The following QTMAN variants were observed in gnomAD, a reference collection of about 807,000 sequenced individuals.
The protein encoded by QTMAN is queuosine-tRNA mannosyltransferase.
the QTMAN span, among the ~76,000 whole-genome samples, chr2:144,217,185 A>G: frequency 8.5e-5 from 13 of 152,094 alleles, no homozygotes; most frequent in African/African-American, 3.1e-4. Flanking sequence ...TCAGAATAAT[A>G]GGTGCAAGGA....
chr2:144,025,643 G>T, the QTMAN span, among the ~76,000 whole-genome samples: 5 of 152,130 alleles, frequency 3.3e-5, no homozygotes. Context: ...CCCAGATACG[G>T]TCTTATCCAT....
At chr2:144,034,502 T>C in the QTMAN span, among the ~76,000 whole-genome samples, 1 of 152,212 alleles carries the variant, frequency 6.6e-6, no homozygotes, top group African/African-American at 2.4e-5. Flanking sequence ...GTTAGTGTCT[T>C]AGGCTTCATT....
chr2:144,081,536 A>T, the QTMAN span, among the ~76,000 whole-genome samples: 1 of 152,096 alleles, frequency 6.6e-6, no homozygotes, highest in African/African-American at 2.4e-5. Flanking sequence ...AAAAACACAG[A>T]ACAGTTCACA....
chr2:143,968,990 C>A, the QTMAN span, among the ~76,000 whole-genome samples: 1 of 152,200 alleles, frequency 6.6e-6, no homozygotes, highest in Non-Finnish European at 1.5e-5. Context: ...TATTCCTTAT[C>A]TTTACCCAAT....
the QTMAN span, among the ~76,000 whole-genome samples, chr2:143,973,880 G>C: frequency 6.6e-6 from 1 of 151,956 alleles, no homozygotes; most frequent in African/African-American, 2.4e-5. Context: ...ATCAAGGCAC[G>C]GATGACATTC....
the QTMAN span, among the ~76,000 whole-genome samples, chr2:144,330,530 T>C: frequency 6.6e-6 from 1 of 152,222 alleles, no homozygotes; most frequent in African/African-American, 2.4e-5. Flanking sequence ...TATGAATCGA[T>C]TCTTGAAGCG....
chr2:143,983,320 A>G, the QTMAN span, among the ~76,000 whole-genome samples: 126 of 152,318 alleles, frequency 8.3e-4, no homozygotes, highest in African/African-American at 2.9e-3. Context: ...TATTATTATC[A>G]TAATTGTTAT....
the QTMAN span, among the ~76,000 whole-genome samples, chr2:144,059,504 T>C: frequency 0.057 from 8,652 of 152,124 alleles, 827 homozygotes; most frequent in African/African-American, 0.19. Flanking sequence ...GAGCTGTGGG[T>C]TTTCAGAAGA....
the QTMAN span, among the ~76,000 whole-genome samples, chr2:144,104,127 C>T: frequency 2.6e-5 from 4 of 152,008 alleles, no homozygotes; most frequent in South Asian, 2.1e-4. Context: ...GGGGCGGTGG[C>T]GGTTCCAAGA....
the QTMAN span, among the ~76,000 whole-genome samples, chr2:144,040,908 A>G: frequency 7.3e-4 from 111 of 152,346 alleles, 2 homozygotes; most frequent in East Asian, 0.016. Flanking sequence ...TTGCTTAAAG[A>G]AAGACACTGA....
chr2:144,238,108 T>C, the QTMAN span, among the ~76,000 whole-genome samples: 2 of 152,238 alleles, frequency 1.3e-5, 1 homozygote, highest in African/African-American at 4.8e-5. Context: ...TAGCATGCAC[T>C]CTAACTTCCT....
the QTMAN span, among the ~76,000 whole-genome samples, chr2:143,999,384 T>C: frequency 6.6e-6 from 1 of 151,092 alleles, no homozygotes; most frequent in Admixed American, 6.6e-5. Context: ...GAAAGGCAGG[T>C]AACACCACAC....
chr2:144,069,740 G>T, the QTMAN span, among the ~76,000 whole-genome samples: 1 of 151,736 alleles, frequency 6.6e-6, no homozygotes, highest in Non-Finnish European at 1.5e-5. Context: ...TCTTTCCAAC[G>T]TTAAACATTT....
chr2:144,062,087 G>A, the QTMAN span, among the ~76,000 whole-genome samples: 1 of 152,300 alleles, frequency 6.6e-6, no homozygotes, highest in East Asian at 1.9e-4. Flanking sequence ...GATGCACTAG[G>A]TGGAGGAACC....
the QTMAN span, among the ~76,000 whole-genome samples, chr2:144,164,651 TC>T: frequency 6.6e-6 from 1 of 152,170 alleles, no homozygotes; most frequent in South Asian, 2.1e-4. Flanking sequence ...CTTAAGTAAT[TC>T]CTATACCTTA....
At chr2:144,302,487 G>T in the QTMAN span, among the ~76,000 whole-genome samples, 1 of 152,048 alleles carries the variant, frequency 6.6e-6, no homozygotes, top group Non-Finnish European at 1.5e-5. Context: ...GTGTATCTTA[G>T]GAGAGCATGA....
chr2:144,130,535 G>T, the QTMAN span, among the ~76,000 whole-genome samples: 1 of 151,936 alleles, frequency 6.6e-6, no homozygotes, highest in Non-Finnish European at 1.5e-5. Flanking sequence ...GAAAATTAAA[G>T]ACATTACATA....
chr2:144,269,186 A>C, the QTMAN span, among the ~76,000 whole-genome samples: 1 of 152,212 alleles, frequency 6.6e-6, no homozygotes, highest in Non-Finnish European at 1.5e-5. Flanking sequence ...CTGATATTTG[A>C]TTTAAATAAG....
At chr2:144,081,150 G>A in the QTMAN span, among the ~76,000 whole-genome samples, 3 of 152,118 alleles carry the variant, frequency 2.0e-5, no homozygotes, top group South Asian at 6.2e-4. Context: ...AAAATCTGCA[G>A]AGGGGAGTAT....
Sources: allele counts gnomAD v4.1 joint callset (sites outside exome capture counted in the v4.1 genomes callset), GRCh38; gene constraint gnomAD v4.1.1; transcripts MANE v1.5; gene names NCBI Gene and HGNC (gene_info 2026-07-23, HGNC 2026-07-21).